Variants in RBM47 observed in about 807,000 individuals in gnomAD.
RBM47 encodes the protein RNA binding motif protein 47.
A neutral mutation model predicts 47.1 loss-of-function variants in RBM47; 21 were observed. That is an observed-to-expected ratio of 0.45 (90% CI 0.32 to 0.64). The LOEUF (loss-of-function observed/expected upper bound fraction) is 0.64. RBM47 is among the 30% of genes least tolerant of loss of function. The pLI is 0.05. For synonymous variants in RBM47, 375 were observed against 361.7 expected (o/e 1.04, Z -0.42); for missense variants, 708 against 870.9 (o/e 0.81, Z 2.35).
At chr4:40,445,273 C>CAA (rs35418476) in intron 3 of RBM47, among the ~76,000 whole-genome samples, 3 of 106,608 alleles carry the variant, frequency 2.8e-5, no homozygotes, top group East Asian at 2.8e-4. Flanking sequence ...GACTCCGTCT[C>CAA]AAAAAAAAAA....
chr4:40,457,324 A>G (rs1716427569), intron 3 of RBM47, among the ~76,000 whole-genome samples: 1 of 151,218 alleles, frequency 6.6e-6, no homozygotes, highest in Admixed American at 6.6e-5. Flanking sequence ...TGGGAGGCTG[A>G]GACAGGGAGA....
intron 1 of RBM47, among the ~76,000 whole-genome samples, chr4:40,601,112 G>A (rs1304040896): frequency 3.3e-5 from 5 of 152,108 alleles, no homozygotes; most frequent in Non-Finnish European, 5.9e-5. Context: ...AGGCCAGGAC[G>A]GAAGCAATGA....
At chr4:40,595,161 C>T (rs1679175341) in intron 1 of RBM47, among the ~76,000 whole-genome samples, 1 of 152,140 alleles carries the variant, frequency 6.6e-6, no homozygotes, top group African/African-American at 2.4e-5. Flanking sequence ...ACAATTATCT[C>T]CATAATTCTG....
Position 40,437,073 on chromosome 4 carries a change from C to CAAAAAAAAAAAAAAAAA in RBM47, c.1124-443_1124-427dup, listed in dbSNP as rs750922605. On this transcript the variant is annotated intron_variant, in intron 4 of 6. Transcript: ENST00000295971. ...TGGGGAGCATGGTGAGACCCTGTCT[C>CAAAAAAAAAAAAAAAAA]AAAAAAAAAAAAAAAAAATATATAT... is the stretch of plus-strand genomic sequence containing the variant. Among the ~76,000 whole-genome samples the CAAAAAAAAAAAAAAAAA allele has an allele frequency of 7.6e-3, 162 of 21,284 alleles. 61 individuals are homozygous for CAAAAAAAAAAAAAAAAA. Among genetic ancestry groups the CAAAAAAAAAAAAAAAAA allele is most frequent in the East Asian group, 0.023 (14 of 608 alleles). 14.0% of individuals were successfully genotyped at this position (21,284 alleles called of 152,430 possible).
In RBM47 at chr4:40,453,962, T is replaced by C. The variant is rs1352129535; in HGVS notation, c.-32+12615A>G. 2.0e-5 allele frequency among the ~76,000 whole-genome samples: 3 copies of C among 152,198 alleles called. No homozygotes were observed. In the East Asian group the frequency reaches 5.8e-4, roughly 29 times the overall value. ...GAACACGTATGTGTAATTTGATTTC[T>C]CATGACATTTCTATGAGTGGAAATT... On this transcript the variant is annotated intron_variant, in intron 3 of 6. Transcript: ENST00000295971.
intron 1 of RBM47, among the ~76,000 whole-genome samples, chr4:40,553,706 G>C (rs1729797195): frequency 6.6e-6 from 1 of 152,108 alleles, no homozygotes; most frequent in South Asian, 2.1e-4. Context: ...AGCTCCTAAC[G>C]CAGGGTCTAG....
At chr4:40,463,673 A>G (rs965364612) in intron 3 of RBM47, among the ~76,000 whole-genome samples, 2 of 151,668 alleles carry the variant, frequency 1.3e-5, no homozygotes, top group African/African-American at 4.8e-5. Context: ...GAGACCTGAT[A>G]TTGGCTAGAG....
intron 3 of RBM47, among the ~76,000 whole-genome samples, chr4:40,450,726 T>C (rs1715288484): frequency 6.6e-6 from 1 of 152,124 alleles, no homozygotes; most frequent in African/African-American, 2.4e-5. Flanking sequence ...CTATTGATAT[T>C]TGTGATAATT....
chr4:40,556,406 T>C (rs1022228381), intron 1 of RBM47, among the ~76,000 whole-genome samples: 1 of 151,834 alleles, frequency 6.6e-6, no homozygotes, highest in Non-Finnish European at 1.5e-5. Flanking sequence ...TAAGGTGCAG[T>C]AGGTCATGCC....
chr4:40,468,509 T>C lies in RBM47; in HGVS notation c.-154-1810A>G, dbSNP rs1319686764. The stretch of plus-strand genomic sequence containing the variant: ...GTGCCCCCACTTCCATCATTCATTG[T>C]GTCCCTGTGGAGACACCGTAAGACC... On this transcript the variant is annotated intron_variant, in intron 2 of 6. Coordinates refer to ENST00000295971, the MANE Select transcript of RBM47 (RefSeq NM_001098634.2). Among the ~76,000 whole-genome samples, 9 of 152,354 alleles carry C rather than the reference T, an allele frequency of 5.9e-5. No individual in the cohort carries two copies. The East Asian group carries it at 1.5e-3, about 26-fold the overall frequency.
chr4:40,471,516 G>A (rs2154237207), intron 2 of RBM47, among the ~76,000 whole-genome samples: 1 of 152,142 alleles, frequency 6.6e-6, no homozygotes, highest in Middle Eastern at 3.4e-3. Context: ...TGGCCAACCT[G>A]GTGAAACCCC....
At chr4:40,595,010 A>G (rs1268887097) in intron 1 of RBM47, among the ~76,000 whole-genome samples, 3 of 152,234 alleles carry the variant, frequency 2.0e-5, no homozygotes, top group African/African-American at 7.2e-5. Context: ...CTTTGCTAAG[A>G]GAGCTCCAAG....
intron 2 of RBM47, among the ~76,000 whole-genome samples, chr4:40,487,267 T>C (rs143799085): frequency 1.3e-5 from 2 of 152,312 alleles, no homozygotes; most frequent in African/African-American, 2.4e-5. Flanking sequence ...CTGATGATGT[T>C]GGTAATTTCA....
chr4:40,492,245 C>T lies in RBM47; in HGVS notation c.-154-25546G>A, dbSNP rs529905873. Among the ~76,000 whole-genome samples the T allele has an allele frequency of 1.5e-3, 234 of 152,182 alleles. 3 individuals are homozygous for T. The Middle Eastern group carries it at 0.034, about 22-fold the overall frequency. ...CATAGCCAGGCCTGGGGGTATGCGC[C>T]TGTAGTCCCAGCTACTTCGGAGGCT... On this transcript the variant is annotated intron_variant, in intron 2 of 6. Transcript: ENST00000295971.
intron 1 of RBM47, among the ~76,000 whole-genome samples, chr4:40,573,807 A>AAAAAAGAAAGAAAGAAAGAAAG (rs1732011046): frequency 3.7e-5 from 5 of 136,662 alleles, no homozygotes; most frequent in African/African-American, 1.5e-4. Context: ...GAAAGAAAGA[A>AAAAAAGAAAGAAAGAAAGAAAG]AAAGAAAGAA....
intron 1 of RBM47, among the ~76,000 whole-genome samples, chr4:40,592,748 A>C (rs1213130979): frequency 1.3e-5 from 2 of 150,004 alleles, no homozygotes; most frequent in Non-Finnish European, 3.0e-5. Flanking sequence ...TTGTAGAGAC[A>C]GGGCCTCGCT....
At chr4:40,493,326 G>A (rs1334355276) in intron 2 of RBM47, among the ~76,000 whole-genome samples, 1 of 152,156 alleles carries the variant, frequency 6.6e-6, no homozygotes, top group Admixed American at 6.5e-5. Context: ...GGAGGCAGGA[G>A]GGATTAATTC....
intron 2 of RBM47, among the ~76,000 whole-genome samples, chr4:40,485,179 TG>T (rs1225601902): frequency 6.6e-6 from 1 of 152,210 alleles, no homozygotes; most frequent in Non-Finnish European, 1.5e-5. Flanking sequence ...TTCACTAACA[TG>T]GGTGCTCAAT....
At chr4:40,602,645 TAAAAAAAA>T (rs535210913) in intron 1 of RBM47, among the ~76,000 whole-genome samples, 1 of 122,836 alleles carries the variant, frequency 8.1e-6, no homozygotes, top group Admixed American at 8.6e-5. Context: ...AGAATCCGTT[TAAAAAAAA>T]AAAAAAAAAA....
Sources: allele counts gnomAD v4.1 joint callset (sites outside exome capture counted in the v4.1 genomes callset), GRCh38; gene constraint gnomAD v4.1.1; transcripts MANE v1.5; gene names NCBI Gene and HGNC (gene_info 2026-07-23, HGNC 2026-07-21).